Variants in TFPI observed in about 807,000 individuals in gnomAD.
The protein encoded by TFPI is anti-convertin.
A neutral mutation model predicts 34.6 loss-of-function variants in TFPI; 15 were observed. The observed-to-expected ratio is 0.43, with a 90% CI of 0.29 to 0.67. The LOEUF (loss-of-function observed/expected upper bound fraction) is 0.67. Ranked by LOEUF, TFPI falls within the 30% of genes least tolerant of loss-of-function variation. TFPI has a pLI of 0.15. For synonymous variants in TFPI, 105 were observed against 120.1 expected (o/e 0.87, Z 0.82); for missense variants, 301 against 364.0 (o/e 0.83, Z 1.41).
chr2:187,493,883 T>C (rs1020363559), intron 3 of TFPI, among the ~76,000 whole-genome samples: 2 of 152,220 alleles, frequency 1.3e-5, no homozygotes, highest in African/African-American at 2.4e-5. Flanking sequence ...TCAAAGCCTT[T>C]CAACAAGTCT....
chr2:187,508,973 A>G (rs1239748459), intron 1 of TFPI, among the ~76,000 whole-genome samples: 1 of 152,130 alleles, frequency 6.6e-6, no homozygotes, highest in African/African-American at 2.4e-5. Flanking sequence ...ACGTTCCATC[A>G]ATACCTAGTT....
intron 1 of TFPI, chr2:187,547,376 TC>T (rs1688920924): frequency 3.3e-5 from 5 of 152,176 alleles, no homozygotes; most frequent in Admixed American, 3.3e-4. Context: ...CAAATAATGA[TC>T]AGTGTTTTCA....
intron 3 of TFPI, among the ~76,000 whole-genome samples, chr2:187,494,150 C>T: frequency 6.6e-6 from 1 of 152,112 alleles, no homozygotes. Context: ...CATTCACTAC[C>T]ACGATAATAG....
At chr2:187,505,125 A>T (rs1202024996) in intron 1 of TFPI, among the ~76,000 whole-genome samples, 1 of 123,892 alleles carries the variant, frequency 8.1e-6, no homozygotes, top group Non-Finnish European at 1.7e-5. Flanking sequence ...GCATTTTTGA[A>T]CACGTTTTTC....
At chr2:187,506,137 T>C (rs1197860355) in intron 1 of TFPI, among the ~76,000 whole-genome samples, 1 of 152,082 alleles carries the variant, frequency 6.6e-6, no homozygotes, top group Non-Finnish European at 1.5e-5. Context: ...CCAACTTCTA[T>C]ATACCATGCA....
rs1179879184 is a variant in TFPI at position 187,501,154 on chromosome 2, A to C, written c.121+2494T>G. 2.0e-5 allele frequency among the ~76,000 whole-genome samples: 3 copies of C among 152,196 alleles called. No individual in the cohort carries two copies. The East Asian group carries it at 5.8e-4, about 29-fold the overall frequency. ...TATCTGCCAGCGGCCATGAGAAAGC[A>C]AAACACATAGAGGGCAATCTAAAAG... On this transcript the variant is annotated intron_variant, in intron 2 of 7. Coordinates refer to ENST00000233156, the MANE Select transcript of TFPI (RefSeq NM_006287.6).
At chr2:187,545,973 G>A (rs543842862) in intron 1 of TFPI, among the ~76,000 whole-genome samples, 5 of 152,112 alleles carry the variant, frequency 3.3e-5, no homozygotes, top group Admixed American at 2.6e-4. Flanking sequence ...GCAATAAGGG[G>A]GAAGGGGGAG....
At chr2:187,541,614 C>T (rs1043746492) in intron 1 of TFPI, among the ~76,000 whole-genome samples, 6 of 152,184 alleles carry the variant, frequency 3.9e-5, no homozygotes, top group African/African-American at 1.2e-4. Flanking sequence ...ATCATTGTTT[C>T]GTGGGGTGAA....
chr2:187,540,973 A>C (rs1003047388), intron 1 of TFPI, among the ~76,000 whole-genome samples: 10 of 152,044 alleles, frequency 6.6e-5, no homozygotes, highest in Non-Finnish European at 1.2e-4. Context: ...AGATAGGATT[A>C]AATAATAACA....
chr2:187,531,665 A>T lies in TFPI; in HGVS notation c.-3+22535T>A, dbSNP rs1000809550. Among the ~76,000 whole-genome samples, 5 of 152,160 alleles carry T rather than the reference A, an allele frequency of 3.3e-5. No homozygotes were observed. The South Asian group carries it at 6.2e-4, about 19-fold the overall frequency. ...CCTCATCTCTGCAATGGGAAAAATT[A>T]AAAAAGGTTTACCAATGCAGTCACC... is the stretch of plus-strand genomic sequence containing the variant. On this transcript the variant is annotated intron_variant, in intron 1 of 7. Transcript: ENST00000233156.
intron 1 of TFPI, among the ~76,000 whole-genome samples, chr2:187,532,068 C>T (rs1036320603): frequency 1.3e-5 from 2 of 152,040 alleles, no homozygotes. Flanking sequence ...AATCATAAAA[C>T]ATAAAGCAGA....
intron 1 of TFPI, chr2:187,515,940 C>T (rs1686974657): frequency 6.6e-6 from 1 of 152,080 alleles, no homozygotes; most frequent in African/African-American, 2.4e-5. Flanking sequence ...AGAAGCATAG[C>T]TATAGGCAGC....
intron 1 of TFPI, chr2:187,513,835 C>A (rs767958982): frequency 6.6e-6 from 1 of 152,222 alleles, no homozygotes; most frequent in Non-Finnish European, 1.5e-5. Flanking sequence ...ATTAACATAA[C>A]CAAGTCAATT....
chr2:187,532,155 T>A (rs1687989715), intron 1 of TFPI, among the ~76,000 whole-genome samples: 1 of 152,230 alleles, frequency 6.6e-6, no homozygotes, highest in Non-Finnish European at 1.5e-5. Flanking sequence ...CTTATGCATG[T>A]TAATATGTAT....
chr2:187,481,548 A>G (rs1238494629), intron 6 of TFPI, among the ~76,000 whole-genome samples: 1 of 151,602 alleles, frequency 6.6e-6, no homozygotes, highest in African/African-American at 2.4e-5. Context: ...GAATGGCAAC[A>G]TAGCTTCATT....
intron 1 of TFPI, among the ~76,000 whole-genome samples, chr2:187,538,194 A>G (rs537414037): frequency 6.6e-6 from 1 of 152,234 alleles, no homozygotes; most frequent in Non-Finnish European, 1.5e-5. Context: ...TCAAGTATCT[A>G]GAACCAAAAA....
intron 1 of TFPI, among the ~76,000 whole-genome samples, chr2:187,538,584 A>C (rs1688396677): frequency 6.6e-6 from 1 of 152,162 alleles, no homozygotes; most frequent in Admixed American, 6.5e-5. Flanking sequence ...CTGGCCTGTC[A>C]GGGGTTCGTG....
At chr2:187,551,398 G>T (rs539001011) in intron 1 of TFPI, among the ~76,000 whole-genome samples, 1 of 152,238 alleles carries the variant, frequency 6.6e-6, no homozygotes, top group African/African-American at 2.4e-5. Context: ...GATTTGACAT[G>T]GGCCCATACT....
Position 187,493,431 on chromosome 2 carries a change from G to A in TFPI, c.319+3450C>T, listed in dbSNP as rs542476708. ...CTCCAGGCCTGTGATGGGAAGAGCT[G>A]GCACAAATGTCTCACATGCCCTAGA... is the stretch of plus-strand genomic sequence containing the variant. On this transcript the variant is annotated intron_variant, in intron 3 of 7. Coordinates refer to ENST00000233156, the MANE Select transcript of TFPI (RefSeq NM_006287.6). Among the ~76,000 whole-genome samples, 12 of 152,252 alleles carry A rather than the reference G, an allele frequency of 7.9e-5. No individual in the cohort carries two copies. The East Asian group carries it at 2.1e-3, about 27-fold the overall frequency.
Sources: gnomAD v4.1 joint callset for allele counts (sites outside exome capture counted in the v4.1 genomes callset) on GRCh38, gnomAD v4.1.1 for gene constraint, MANE v1.5 for transcripts, NCBI Gene and HGNC (gene_info 2026-07-23, HGNC 2026-07-21) for gene names.